MEI4: variants seen among roughly 807,000 people sequenced by gnomAD.
MEI4 encodes the protein meiotic double-stranded break formation protein 4, also known as meiosis-specific protein MEI4.
A neutral mutation model predicts 31.4 loss-of-function variants in MEI4; 27 were observed. The observed-to-expected ratio is 0.86, with a 90% CI of 0.63 to 1.19. The LOEUF (loss-of-function observed/expected upper bound fraction) is 1.19. MEI4 is among the 50% of genes most tolerant of loss of function. The probability of loss-of-function intolerance (pLI) is 0.00; values close to 1 mark genes in which losing one functional copy is unlikely to be tolerated. For synonymous variants in MEI4, 122 were observed against 145.4 expected, an observed-to-expected ratio of 0.84 and a Z score of 1.16; for missense variants, 329 against 398.9, an observed-to-expected ratio of 0.82 and a Z score of 1.49.
intron 4 of MEI4, among the ~76,000 whole-genome samples, chr6:77,855,458 G>T (rs113145659): frequency 2.0e-5 from 3 of 152,150 alleles, no homozygotes. Flanking sequence ...CTTATGGTTC[G>T]TAAGGCTGAG....
At chr6:77,898,526 G>A (rs1766129399) in intron 4 of MEI4, among the ~76,000 whole-genome samples, 1 of 151,890 alleles carries the variant, frequency 6.6e-6, no homozygotes, top group South Asian at 2.1e-4. Flanking sequence ...TTAATTTTCT[G>A]CTCTGTAATA....
chr6:77,779,813 TCA>T (rs1768548304), intron 3 of MEI4, among the ~76,000 whole-genome samples: 6 of 152,182 alleles, frequency 3.9e-5, no homozygotes, highest in African/African-American at 1.4e-4. Context: ...CTGTGGTTGT[TCA>T]TGTTCATTTT....
chr6:77,838,402 G>C (rs1770274783), intron 4 of MEI4, among the ~76,000 whole-genome samples: 1 of 152,152 alleles, frequency 6.6e-6, no homozygotes, highest in African/African-American at 2.4e-5. Flanking sequence ...CTGAGCATCT[G>C]AAGGGGATTG....
intron 4 of MEI4, among the ~76,000 whole-genome samples, chr6:77,909,883 G>C: frequency 6.6e-6 from 1 of 152,120 alleles, no homozygotes; most frequent in East Asian, 1.9e-4. Flanking sequence ...CTTCATCCCT[G>C]GGATGCAAGG....
chr6:77,808,108 G>A (rs559152809), intron 3 of MEI4, among the ~76,000 whole-genome samples: 1 of 152,144 alleles, frequency 6.6e-6, no homozygotes, highest in Non-Finnish European at 1.5e-5. Flanking sequence ...TTGTCCTAGA[G>A]TAATTGTTAA....
At chr6:77,901,648 TC>T (rs2127735307) in intron 4 of MEI4, among the ~76,000 whole-genome samples, 1 of 152,216 alleles carries the variant, frequency 6.6e-6, no homozygotes, top group South Asian at 2.1e-4. Flanking sequence ...ATATATATTC[TC>T]CCATTATGCA....
chr6:77,878,428 G>GA (rs924356816), intron 4 of MEI4, among the ~76,000 whole-genome samples: 3 of 151,942 alleles, frequency 2.0e-5, no homozygotes, highest in Admixed American at 6.6e-5. Flanking sequence ...TACGTCTTCA[G>GA]AAAAAATGAA....
At chr6:77,882,373 T>C (rs570351220) in intron 4 of MEI4, among the ~76,000 whole-genome samples, 7 of 152,344 alleles carry the variant, frequency 4.6e-5, no homozygotes, top group Non-Finnish European at 8.8e-5. Context: ...CATTTCCACA[T>C]TTTTCAGAAT....
intron 2 of MEI4, among the ~76,000 whole-genome samples, chr6:77,731,897 A>T (rs901048963): frequency 5.3e-5 from 8 of 151,884 alleles, no homozygotes; most frequent in East Asian, 3.9e-4. Flanking sequence ...CCTTTCCCCA[A>T]TGCTTGTTTT....
chr6:77,676,258 C>T (rs575718661), intron 1 of MEI4, among the ~76,000 whole-genome samples: 29 of 151,992 alleles, frequency 1.9e-4, no homozygotes, highest in Non-Finnish European at 3.7e-4. Flanking sequence ...AATAATAATT[C>T]ATAAATTGTA....
At position 77,805,700 on chromosome 6, in the gene MEI4, A is replaced by C. The variant is rs76617534; in HGVS notation, c.769-23231A>C. ...CAGGATTATTGCTTCAAGGAAAGAA[A>C]ATTCTAAAAGGATAATGGTAAATAG... On this transcript the variant is annotated intron_variant, in intron 3 of 4. Coordinates refer to ENST00000684080, the MANE Select transcript of MEI4 (RefSeq NM_001322247.2). Among the ~76,000 whole-genome samples the C allele has an allele frequency of 1.3e-3, 197 of 152,242 alleles. 1 individual carries two copies. Among genetic ancestry groups the C allele is most frequent in the African/African-American group, 4.3e-3 (178 of 41,572 alleles).
At chr6:77,901,645 T>G (rs1295145779) in intron 4 of MEI4, among the ~76,000 whole-genome samples, 1 of 152,126 alleles carries the variant, frequency 6.6e-6, no homozygotes, top group African/African-American at 2.4e-5. Flanking sequence ...TGAATATATA[T>G]TCTCCCATTA....
intron 3 of MEI4, among the ~76,000 whole-genome samples, chr6:77,776,245 T>G (rs1405013411): frequency 6.6e-6 from 1 of 152,054 alleles, no homozygotes; most frequent in Admixed American, 6.6e-5. Flanking sequence ...CAATCACAGA[T>G]TCTAGGGACT....
intron 3 of MEI4, among the ~76,000 whole-genome samples, chr6:77,789,528 G>A (rs1195570009): frequency 6.6e-6 from 1 of 152,106 alleles, no homozygotes; most frequent in Non-Finnish European, 1.5e-5. Context: ...CTAATATCCA[G>A]AATCTAAATG....
chr6:77,916,827 G>C (rs1235480345), intron 4 of MEI4, among the ~76,000 whole-genome samples: 2 of 150,938 alleles, frequency 1.3e-5, no homozygotes, highest in African/African-American at 4.9e-5. Flanking sequence ...GTGCAGGTTA[G>C]TTACATATGT....
chr6:77,868,950 G>T (rs1771131409), intron 4 of MEI4, among the ~76,000 whole-genome samples: 1 of 152,064 alleles, frequency 6.6e-6, no homozygotes, highest in Admixed American at 6.6e-5. Context: ...GGCACTCCTT[G>T]TTTGAGATCT....
intron 1 of MEI4, among the ~76,000 whole-genome samples, chr6:77,659,673 C>T (rs907362040): frequency 6.6e-6 from 1 of 152,032 alleles, no homozygotes. Flanking sequence ...AAATAGAGGG[C>T]AAGTGTCTTC....
At chr6:77,836,638 G>A (rs984967067) in intron 4 of MEI4, among the ~76,000 whole-genome samples, 2 of 151,838 alleles carry the variant, frequency 1.3e-5, no homozygotes, top group Non-Finnish European at 2.9e-5. Flanking sequence ...CTATATCAAG[G>A]CAAAATATAG....
At chr6:77,788,851 G>A (rs927516542) in intron 3 of MEI4, among the ~76,000 whole-genome samples, 1 of 152,186 alleles carries the variant, frequency 6.6e-6, no homozygotes. Flanking sequence ...CAGATTCAAT[G>A]CCATCCCCAT....
Sources: allele counts gnomAD v4.1 joint callset (sites outside exome capture counted in the v4.1 genomes callset), GRCh38; gene constraint gnomAD v4.1.1; transcripts MANE v1.5; gene names NCBI Gene and HGNC (gene_info 2026-07-23, HGNC 2026-07-21).